The following PTPRA variants were observed in gnomAD, a reference collection of about 807,000 sequenced individuals.
PTPRA encodes the protein protein tyrosine phosphatase receptor type A.
PTPRA carries 25 observed loss-of-function variants against 104.8 expected under a neutral mutation model. The ratio of observed to expected loss-of-function variants is 0.24; its 90% CI spans 0.17 to 0.33. The LOEUF is 0.33. Ranked by LOEUF, PTPRA falls within the 10% of genes least tolerant of loss-of-function variation. The pLI is 1.00. For synonymous variants in PTPRA, 323 were observed against 368.9 expected (o/e 0.88, Z 1.43); for missense variants, 765 against 1,015.3 (o/e 0.75, Z 3.35).
At chr20:2,955,956 A>G (rs1404674306) in intron 3 of PTPRA, among the ~76,000 whole-genome samples, 1 of 151,978 alleles carries the variant, frequency 6.6e-6, no homozygotes, top group Non-Finnish European at 1.5e-5. Flanking sequence ...AACTAACCTC[A>G]TCACTTTCCC....
intron 2 of PTPRA, among the ~76,000 whole-genome samples, chr20:2,928,470 G>A (rs1366988782): frequency 6.6e-6 from 1 of 152,040 alleles, no homozygotes; most frequent in Non-Finnish European, 1.5e-5. Context: ...TAGAATTCTA[G>A]GTTGCCTATT....
chr20:2,969,547 G>A (rs1420201379), intron 5 of PTPRA, among the ~76,000 whole-genome samples: 1 of 151,274 alleles, frequency 6.6e-6, no homozygotes, highest in Admixed American at 6.6e-5. Flanking sequence ...GCCCAGCCTA[G>A]AATACCTTTT....
At chr20:2,953,815 C>T (rs1276566284) in intron 3 of PTPRA, among the ~76,000 whole-genome samples, 5 of 151,458 alleles carry the variant, frequency 3.3e-5, no homozygotes, top group African/African-American at 9.7e-5. Context: ...ACTGTGTTGG[C>T]CAGGCTGGTC....
At chr20:2,995,424 T>C (rs971181592) in intron 9 of PTPRA, among the ~76,000 whole-genome samples, 1 of 152,146 alleles carries the variant, frequency 6.6e-6, no homozygotes, top group Non-Finnish European at 1.5e-5. Flanking sequence ...GGCCAGCATT[T>C]TACTTTTCTA....
chr20:2,887,001 G>T (rs1178235799), intron 1 of PTPRA, among the ~76,000 whole-genome samples: 3 of 152,116 alleles, frequency 2.0e-5, no homozygotes, highest in Non-Finnish European at 4.4e-5. Context: ...GTGAAAAAAT[G>T]ATTATCACAG....
In PTPRA at chr20:3,021,973, C is replaced by T. The variant is rs916722814; in HGVS notation, c.1162-81C>T. On this transcript the variant is annotated intron_variant, in intron 14 of 23. Transcript: ENST00000399903. ...CTTACTTTTCCATTGTCACTGACAA[C>T]CACAGCTGTCACCTTCCCTCCCCTG... 2.6e-6 allele frequency: 4 copies of T among 1,537,616 alleles called. No individual in the cohort carries two copies. In the African/African-American group the frequency reaches 4.1e-5, roughly 16 times the overall value.
intron 2 of PTPRA, among the ~76,000 whole-genome samples, chr20:2,934,277 AT>A (rs535521665): frequency 6.6e-6 from 1 of 151,904 alleles, no homozygotes; most frequent in East Asian, 1.9e-4. Flanking sequence ...TAATTTTTGC[AT>A]TTTTTTGTAG....
chr20:2,958,978 T>TA (rs1411996270), intron 3 of PTPRA, among the ~76,000 whole-genome samples: 38 of 150,640 alleles, frequency 2.5e-4, no homozygotes, highest in African/African-American at 9.0e-4. Context: ...GATGTTGGAG[T>TA]AGAAATTTGG....
chr20:2,948,232 T>C (rs541798855), intron 3 of PTPRA, among the ~76,000 whole-genome samples: 1 of 152,348 alleles, frequency 6.6e-6, no homozygotes, highest in South Asian at 2.1e-4. Flanking sequence ...TCAAGGACTA[T>C]AGCCCATCAA....
At chr20:2,976,695 G>T (rs1461763566) in intron 6 of PTPRA, among the ~76,000 whole-genome samples, 1 of 152,192 alleles carries the variant, frequency 6.6e-6, no homozygotes, top group East Asian at 1.9e-4. Context: ...CAGATCTTTA[G>T]AAGTATTGCT....
chr20:2,925,073 G>A (rs2060245961), intron 2 of PTPRA, among the ~76,000 whole-genome samples: 1 of 152,094 alleles, frequency 6.6e-6, no homozygotes, highest in African/African-American at 2.4e-5. Context: ...TACTTTTAAA[G>A]TATACAATTC....
chr20:2,960,367 A>G (rs1568670464), intron 3 of PTPRA, among the ~76,000 whole-genome samples: 1 of 149,416 alleles, frequency 6.7e-6, no homozygotes, highest in African/African-American at 2.5e-5. Flanking sequence ...CTCCTGCCTC[A>G]GCCTCCCGAG....
chr20:3,024,429 A>AT, intron 16 of PTPRA, 43 bp from the exon 17 acceptor site: 1 of 1,582,372 alleles, frequency 6.3e-7, no homozygotes, highest in Non-Finnish European at 8.7e-7. Context: ...CATGAGAACT[A>AT]TGTTGTATGT....
chr20:2,869,526 G>A (rs958052573), upstream of PTPRA, among the ~76,000 whole-genome samples: 63 of 152,218 alleles, frequency 4.1e-4, no homozygotes, highest in Admixed American at 1.3e-3. Context: ...AGTTTGTACA[G>A]CAGGCCTATG....
the PTPRA span, chr20:2,866,272 C>T: frequency 3.7e-6 from 6 of 1,614,088 alleles, no homozygotes; most frequent in South Asian, 2.2e-5. Flanking sequence ...GTATGCTTCC[C>T]GCGTGGGTCC....
At chr20:3,015,529 C>T (rs1000592608) in intron 11 of PTPRA, among the ~76,000 whole-genome samples, 1 of 152,044 alleles carries the variant, frequency 6.6e-6, no homozygotes, top group Non-Finnish European at 1.5e-5. Context: ...TGCTCTCACA[C>T]TCTTGACCTT....
chr20:2,953,317 C>T (rs1051601351), intron 3 of PTPRA, among the ~76,000 whole-genome samples: 1 of 151,834 alleles, frequency 6.6e-6, no homozygotes, highest in Non-Finnish European at 1.5e-5. Context: ...TGTAGTGGCG[C>T]AATCTCGGCT....
In PTPRA at chr20:2,989,813, C is replaced by T. The variant is rs181792495; in HGVS notation, c.738+1339C>T. On this transcript the variant is annotated intron_variant, in intron 9 of 23. Transcript: ENST00000399903. ...CGGGCGGATCACAAGGTCAGGAGAT[C>T]GAGACCATCCTGGCTAACACAGTGA... Among the ~76,000 whole-genome samples, 198 of 152,084 alleles carry T rather than the reference C, an allele frequency of 1.3e-3. 5 individuals are homozygous for T. Among genetic ancestry groups the T allele is most frequent in the Admixed American group, 4.4e-3 (68 of 15,282 alleles).
chr20:2,872,058 C>G (rs1429151882), upstream of PTPRA, among the ~76,000 whole-genome samples: 1 of 152,218 alleles, frequency 6.6e-6, no homozygotes, highest in East Asian at 1.9e-4. The surrounding 1 kb of genome is among the most constrained non-coding windows in gnomAD (Gnocchi z 7.9). Flanking sequence ...CACAGAGTCC[C>G]TAACTGGCGC....
Sources: gnomAD v4.1 joint callset for allele counts (sites outside exome capture counted in the v4.1 genomes callset) on GRCh38, gnomAD v4.1.1 for gene constraint, Gnocchi (gnomAD v3.1) non-coding constraint, MANE v1.5 for transcripts, NCBI Gene and HGNC (gene_info 2026-07-23, HGNC 2026-07-21) for gene names.